Variants in CNTN4 observed in about 807,000 individuals in gnomAD.
The protein encoded by CNTN4 is contactin 4.
A neutral mutation model predicts 122.5 loss-of-function variants in CNTN4; 77 were observed. The observed-to-expected ratio is 0.63, with a 90% CI of 0.52 to 0.76. CNTN4 has a LOEUF of 0.76. Ranked by LOEUF, CNTN4 falls within the 30% of genes least tolerant of loss-of-function variation. The pLI is 0.00. For missense variants in CNTN4, 1,256 were observed against 1,259.1 expected, an observed-to-expected ratio of 1.00 and a Z score of 0.04; for synonymous variants, 512 against 447.0, an observed-to-expected ratio of 1.15 and a Z score of -1.83.
chr3:2,983,910 A>C (rs1694305266), intron 13 of CNTN4, among the ~76,000 whole-genome samples: 1 of 152,200 alleles, frequency 6.6e-6, no homozygotes, highest in African/African-American at 2.4e-5. Flanking sequence ...GACTACTGAA[A>C]ATTACCCCTT....
chr3:2,502,607 C>T (rs2076626240), intron 3 of CNTN4, among the ~76,000 whole-genome samples: 1 of 152,104 alleles, frequency 6.6e-6, no homozygotes, highest in Non-Finnish European at 1.5e-5. Context: ...AACATGTGAA[C>T]AGGTGTTCAC....
At chr3:2,792,623 T>G (rs1481472876) in intron 6 of CNTN4, among the ~76,000 whole-genome samples, 2 of 152,184 alleles carry the variant, frequency 1.3e-5, no homozygotes, top group African/African-American at 4.8e-5. Context: ...TGGAAGTCCT[T>G]CAGAAAGAAT....
Position 2,630,663 on chromosome 3 carries a change from G to A in CNTN4, c.55+59105G>A, listed in dbSNP as rs148762242. Among the ~76,000 whole-genome samples the A allele has an allele frequency of 2.6e-5, 4 of 151,720 alleles. No individual in the cohort carries two copies. The East Asian group carries it at 7.7e-4, about 29-fold the overall frequency. On this transcript the variant is annotated intron_variant, in intron 4 of 24. Coordinates refer to ENST00000418658, the MANE Select transcript of CNTN4 (RefSeq NM_175607.3). Reference sequence around the variant, plus strand: ...TCTGTAATTATAGTAAAATTTGAGAGGAATTAGTATGGTATATCCCTATCT... The same window carrying A: ...TCTGTAATTATAGTAAAATTTGAGAAGAATTAGTATGGTATATCCCTATCT...
intron 6 of CNTN4, among the ~76,000 whole-genome samples, chr3:2,791,596 A>T (rs1298717060): frequency 6.6e-6 from 1 of 152,110 alleles, no homozygotes; most frequent in Non-Finnish European, 1.5e-5. Flanking sequence ...ACCCAAGTTC[A>T]TGGACAAGAA....
chr3:2,451,926 C>A (rs1017355875), intron 3 of CNTN4, among the ~76,000 whole-genome samples: 6 of 152,118 alleles, frequency 3.9e-5, no homozygotes, highest in Non-Finnish European at 7.3e-5. Context: ...ACTCAGGGCA[C>A]ACATTAAATC....
chr3:2,644,235 T>G (rs1370076396), intron 4 of CNTN4, among the ~76,000 whole-genome samples: 2 of 152,192 alleles, frequency 1.3e-5, no homozygotes, highest in African/African-American at 4.8e-5. Context: ...TGGTCATAGA[T>G]GCTCTCAATA....
chr3:2,312,307 C>T (rs538821518), intron 2 of CNTN4, among the ~76,000 whole-genome samples: 3 of 152,012 alleles, frequency 2.0e-5, no homozygotes, highest in Admixed American at 1.3e-4. Context: ...GTGGAGATTT[C>T]AGAAATGTTT....
At chr3:2,455,636 C>A (rs554918901) in intron 3 of CNTN4, among the ~76,000 whole-genome samples, 1 of 151,928 alleles carries the variant, frequency 6.6e-6, no homozygotes, top group Non-Finnish European at 1.5e-5. Context: ...GGAGGAAGGG[C>A]GCCTCCAAAA....
chr3:2,787,592 G>T (rs77228603), intron 6 of CNTN4, among the ~76,000 whole-genome samples: 8,454 of 152,156 alleles, frequency 0.056, 275 homozygotes, highest in Non-Finnish European at 0.07. Flanking sequence ...GCATTTTCTG[G>T]AATTGGATTC....
intron 3 of CNTN4, among the ~76,000 whole-genome samples, chr3:2,440,174 G>T (rs1559554355): frequency 6.6e-6 from 1 of 151,962 alleles, no homozygotes; most frequent in African/African-American, 2.4e-5. Flanking sequence ...TAAGTTTTAG[G>T]GTACATGTGC....
chr3:2,300,433 C>T (rs2042462465), intron 2 of CNTN4, among the ~76,000 whole-genome samples: 1 of 151,844 alleles, frequency 6.6e-6, no homozygotes, highest in African/African-American at 2.4e-5. Context: ...AAACCAAAGA[C>T]ATTGAAAATT....
At chr3:2,370,833 G>T (rs1254197494) in intron 3 of CNTN4, among the ~76,000 whole-genome samples, 2 of 152,084 alleles carry the variant, frequency 1.3e-5, no homozygotes, top group African/African-American at 2.4e-5. Flanking sequence ...ATTACATGGT[G>T]CATCCCCCCA....
chr3:2,879,735 G>A (rs2093885513), intron 8 of CNTN4, among the ~76,000 whole-genome samples: 1 of 152,282 alleles, frequency 6.6e-6, no homozygotes, highest in Middle Eastern at 3.4e-3. Context: ...GGATCTTACT[G>A]GGGTAATGGA....
chr3:2,249,400 C>G (rs558057340), intron 2 of CNTN4, among the ~76,000 whole-genome samples: 1 of 152,052 alleles, frequency 6.6e-6, no homozygotes, highest in Non-Finnish European at 1.5e-5. Flanking sequence ...GGATAATACA[C>G]CAATTATAAG....
At chr3:2,197,849 T>C (rs920433612) in intron 2 of CNTN4, among the ~76,000 whole-genome samples, 3 of 152,072 alleles carry the variant, frequency 2.0e-5, no homozygotes, top group African/African-American at 7.2e-5. Context: ...ACCCCGTCTC[T>C]ATTAAAAATA....
rs2035310706 is a variant in CNTN4 at position 2,147,698 on chromosome 3, T to G, written c.-145+47059T>G. 1.3e-5 allele frequency among the ~76,000 whole-genome samples: 2 copies of G among 152,170 alleles called. 1 individual carries two copies. Among genetic ancestry groups the G allele is most frequent in the South Asian group, 4.1e-4 (2 of 4,830 alleles). On this transcript the variant is annotated intron_variant, in intron 2 of 24. Coordinates refer to ENST00000418658, the MANE Select transcript of CNTN4 (RefSeq NM_175607.3). ...ATTATCTTTCATATTAGTCACAGGC[T>G]CCTCAGCCTGAATTGAGGCCTTTAT...
At chr3:2,675,834 C>T (rs1314015637) in intron 4 of CNTN4, among the ~76,000 whole-genome samples, 1 of 152,136 alleles carries the variant, frequency 6.6e-6, no homozygotes, top group Non-Finnish European at 1.5e-5. Context: ...ACTGCTAAGC[C>T]TAATATGTCT....
At chr3:2,346,971 A>T (rs1445829931) in intron 3 of CNTN4, among the ~76,000 whole-genome samples, 3 of 149,704 alleles carry the variant, frequency 2.0e-5, no homozygotes, top group Non-Finnish European at 3.0e-5. Context: ...TATTTGGACC[A>T]TTTATTTCTC....
chr3:2,103,716 TTATTTATC>T (rs1278166899), intron 2 of CNTN4, among the ~76,000 whole-genome samples: 1 of 123,272 alleles, frequency 8.1e-6, no homozygotes, highest in Admixed American at 7.9e-5. Context: ...AAATTATTTT[TTATTTATC>T]TATTTATTTA....
Sources: gnomAD v4.1 joint callset for allele counts (sites outside exome capture counted in the v4.1 genomes callset) on GRCh38, gnomAD v4.1.1 for gene constraint, MANE v1.5 for transcripts, NCBI Gene and HGNC (gene_info 2026-07-23, HGNC 2026-07-21) for gene names.